CA5B: variants seen among roughly 807,000 people sequenced by gnomAD.
The protein encoded by CA5B is carbonic anhydrase 5B.
In CA5B, 15 loss-of-function variants were observed where a neutral mutation model predicts 23.1. The ratio of observed to expected loss-of-function variants is 0.65; its 90% CI spans 0.43 to 1.00. The LOEUF (loss-of-function observed/expected upper bound fraction) is 1.00, where lower values mean the gene tolerates loss of function less well. CA5B is among the 50% of genes least tolerant of loss of function. The probability of loss-of-function intolerance (pLI) is 0.00; values close to 1 mark genes in which losing one functional copy is unlikely to be tolerated. For missense variants in CA5B, 236 were observed against 252.2 expected (o/e 0.94, Z 0.43); for synonymous variants, 84 against 98.5 (o/e 0.85, Z 0.87).
intron 2 of CA5B, among the ~76,000 whole-genome samples, chrX:15,753,761 T>C (rs866120151): frequency 9.0e-6 from 1 of 111,263 alleles, no homozygotes; most frequent in Middle Eastern, 4.7e-3. Flanking sequence ...ATACAAAAAT[T>C]AGCCAGGTGT....
In CA5B at chrX:15,774,332, T is replaced by G; in HGVS notation, c.490T>G (p.Phe164Val). 2 of 1,210,412 alleles carry G rather than the reference T, an allele frequency of 1.7e-6. No homozygotes were observed. Among genetic ancestry groups the G allele is most frequent in the Non-Finnish European group, 2.2e-6 (2 of 895,031 alleles). ...LHLVHWNAVR[F>V]ENFEDAALEE... is the part of the protein sequence containing the mutation. ...CTTAGTGCATTGGAACGCAGTCAGA[T>G]TTGAAAACTTTGAGGATGCAGCACT... Residue 164 changes from phenylalanine to valine, a missense_variant, in exon 5 of 8, where the codon TTT becomes GTT. By Grantham distance (50) the Phe-to-Val change is conservative. This residue lies in a region of CA5B where 170 missense variants were observed against 162.0 expected (regional missense o/e 1.05). Coordinates refer to ENST00000318636, the MANE Select transcript of CA5B (RefSeq NM_007220.4).
intron 2 of CA5B, among the ~76,000 whole-genome samples, chrX:15,764,228 A>C (rs1017562517): frequency 9.1e-6 from 1 of 110,319 alleles, no homozygotes; most frequent in African/African-American, 3.3e-5. Flanking sequence ...GTTCTCTAGA[A>C]GTACAGTAGA....
Position 15,784,393 on chromosome X carries a change from CTCAGT to C in CA5B, c.*1731_*1735del, listed in dbSNP as rs1932078669. 1 of 112,122 alleles carries C rather than the reference CTCAGT, an allele frequency of 8.9e-6. No individual in the cohort carries two copies. The highest frequency in any genetic ancestry group is 3.2e-5 in the African/African-American group (1 of 30,907). 9.2% of individuals were successfully genotyped at this position (112,122 alleles called of 1,213,427 possible). On this transcript the variant is annotated 3_prime_UTR_variant, in exon 8 of 8. Coordinates refer to ENST00000318636, the MANE Select transcript of CA5B (RefSeq NM_007220.4). Reference sequence around the variant, plus strand: ...CAAGGCAGGTGATTAACTTAAATATCTCAGTTTATACAGTGGTTTAAAAGACTTTT... The same window carrying C: ...CAAGGCAGGTGATTAACTTAAATATCTTATACAGTGGTTTAAAAGACTTTT...
intron 4 of CA5B, among the ~76,000 whole-genome samples, chrX:15,772,845 C>T (rs1053541453): frequency 3.6e-5 from 4 of 111,889 alleles, no homozygotes; most frequent in African/African-American, 6.5e-5. Flanking sequence ...TTCTGGAATT[C>T]GAAAGTGGAC....
intron 1 of CA5B, among the ~76,000 whole-genome samples, chrX:15,748,310 G>A (rs887833028): frequency 8.9e-6 from 1 of 111,768 alleles, no homozygotes; most frequent in Non-Finnish European, 1.9e-5. Flanking sequence ...AATTTTACAG[G>A]CTGCTCTTTG....
chrX:15,738,573 A>G (rs906023571), intron 1 of CA5B, among the ~76,000 whole-genome samples: 1 of 110,885 alleles, frequency 9.0e-6, no homozygotes, highest in African/African-American at 3.3e-5. Flanking sequence ...CTCTTCCTCC[A>G]CTATGGGAGT....
At chrX:15,781,272 C>T (rs1932019211) in intron 7 of CA5B, among the ~76,000 whole-genome samples, 1 of 111,203 alleles carries the variant, frequency 9.0e-6, no homozygotes, top group Non-Finnish European at 1.9e-5. Flanking sequence ...CCACCACGCC[C>T]GGCCTAAGTA....
chrX:15,752,526 C>G (rs905053956), intron 2 of CA5B, among the ~76,000 whole-genome samples: 1 of 99,227 alleles, frequency 1.0e-5, no homozygotes, highest in African/African-American at 3.7e-5. Context: ...GAGATCAAGA[C>G]TATCCTGGCT....
At chrX:15,744,561 A>C (rs1335857381) in intron 1 of CA5B, among the ~76,000 whole-genome samples, 1 of 112,277 alleles carries the variant, frequency 8.9e-6, no homozygotes, top group Non-Finnish European at 1.9e-5. Flanking sequence ...GATTGTGAGC[A>C]AGAAAGGAGG....
intron 1 of CA5B, among the ~76,000 whole-genome samples, chrX:15,746,932 G>A (rs1212209162): frequency 9.0e-6 from 1 of 111,515 alleles, no homozygotes; most frequent in Non-Finnish European, 1.9e-5. Context: ...GGAGCAATTT[G>A]GGGAGGTTCA....
intron 7 of CA5B, among the ~76,000 whole-genome samples, chrX:15,778,399 A>C (rs1239433899): frequency 8.9e-6 from 1 of 112,076 alleles, no homozygotes; most frequent in Non-Finnish European, 1.9e-5. Context: ...ATAAAGACAA[A>C]CACATAAATA....
Position 15,749,967 on chromosome X carries a change from C to T in CA5B, c.-53-4C>T, listed in dbSNP as rs187875359. 2.2e-5 allele frequency: 26 copies of T among 1,189,506 alleles called. No individual in the cohort carries two copies. In the Admixed American group the frequency reaches 2.3e-4, roughly 10 times the overall value. On this transcript the variant is annotated splice_region_variant and splice_polypyrimidine_tract_variant and intron_variant, in intron 1 of 7. Transcript: ENST00000318636. ...CTTTCCCTCCTCTGCCCTCATCCCT[C>T]TAGATTATTAAGTTCCTGCAACTTA...
chrX:15,743,057 T>C (rs1417796013), intron 1 of CA5B, among the ~76,000 whole-genome samples: 2 of 112,519 alleles, frequency 1.8e-5, no homozygotes, highest in Non-Finnish European at 3.8e-5. Context: ...ATCCATTACC[T>C]GTGAACCTCA....
At chrX:15,775,917 A>G in intron 6 of CA5B, 1 of 738,036 alleles carries the variant, frequency 1.4e-6, no homozygotes, top group East Asian at 1.6e-4. Flanking sequence ...TCTGGTCCCT[A>G]CCTCTTTCCC....
chrX:15,749,821 A>G (rs1042812275), intron 1 of CA5B, 150 bp from the exon 2 acceptor site: 10 of 406,550 alleles, frequency 2.5e-5, no homozygotes, highest in Admixed American at 4.7e-5. Context: ...GAGGAACAAG[A>G]GTGGATAAAC....
chrX:15,773,486 T>C (rs1931860625), intron 4 of CA5B, among the ~76,000 whole-genome samples: 1 of 99,969 alleles, frequency 1.0e-5, no homozygotes, highest in Non-Finnish European at 2.0e-5. Flanking sequence ...CTTGGCTCAC[T>C]GCAAGCTCTG....
At chrX:15,763,020 T>C (rs1931636434) in intron 2 of CA5B, 1 of 275,191 alleles carries the variant, frequency 3.6e-6, no homozygotes, top group Non-Finnish European at 7.0e-6. Context: ...ATAAATTATA[T>C]GTGTACACCT....
In CA5B at chrX:15,785,551, G is replaced by A. The variant is rs1932097929; in HGVS notation, c.*2887G>A. The stretch of plus-strand genomic sequence containing the variant: ...GAGAGGGTGAATTTGTATTTAGTGG[G>A]TACAGAGCTTGTGTTGCAAGAATTC... On this transcript the variant is annotated 3_prime_UTR_variant, in exon 8 of 8. Coordinates refer to ENST00000318636, the MANE Select transcript of CA5B (RefSeq NM_007220.4). The A allele has an allele frequency of 8.9e-6, 1 of 112,221 alleles. No homozygotes were observed. Among genetic ancestry groups the A allele is most frequent in the African/African-American group, 3.2e-5 (1 of 30,914 alleles). 9.2% of individuals were successfully genotyped at this position (112,221 alleles called of 1,213,427 possible).
intron 1 of CA5B, among the ~76,000 whole-genome samples, chrX:15,745,028 G>A (rs187149863): frequency 3.1e-4 from 34 of 109,399 alleles, no homozygotes; most frequent in Non-Finnish European, 5.5e-4. Flanking sequence ...AATTAGCCGG[G>A]CATGGTGGTG....
Sources: allele counts gnomAD v4.1 joint callset (sites outside exome capture counted in the v4.1 genomes callset), GRCh38; gene constraint gnomAD v4.1.1; regional missense constraint gnomAD v4.1.1; transcripts MANE v1.5; gene names NCBI Gene and HGNC (gene_info 2026-07-23, HGNC 2026-07-21).